The following CCNY variants were observed in gnomAD, a reference collection of about 807,000 sequenced individuals.
CCNY encodes cyclin Y.
CCNY carries 19 observed loss-of-function variants against 42.8 expected under a neutral mutation model. That is an observed-to-expected ratio of 0.44 (90% CI 0.31 to 0.65). CCNY has a LOEUF of 0.65. Among genes scored for constraint, CCNY ranks in the 30% least tolerant of loss-of-function variants. CCNY has a pLI of 0.07. For missense variants in CCNY, 370 were observed against 437.3 expected (o/e 0.85, Z 1.37); for synonymous variants, 165 against 162.7 (o/e 1.01, Z -0.11).
intron 7 of CCNY, among the ~76,000 whole-genome samples, chr10:35,540,778 C>A (rs570944749): frequency 6.6e-6 from 1 of 152,226 alleles, no homozygotes; most frequent in South Asian, 2.1e-4. Context: ...TTGTGCATTT[C>A]ATCAGCATTA....
chr10:35,463,150 G>A (rs1839191020), intron 1 of CCNY, among the ~76,000 whole-genome samples: 1 of 152,226 alleles, frequency 6.6e-6, no homozygotes, highest in Admixed American at 6.5e-5. Flanking sequence ...TGTGCTAGAT[G>A]TGGAACCATA....
At chr10:35,453,212 C>T (rs976781559) in intron 1 of CCNY, among the ~76,000 whole-genome samples, 5 of 152,176 alleles carry the variant, frequency 3.3e-5, no homozygotes, top group Non-Finnish European at 7.4e-5. Flanking sequence ...GCTGGGATTA[C>T]AGATGTGAGC....
intron 1 of CCNY, among the ~76,000 whole-genome samples, chr10:35,367,257 T>C (rs1259334166): frequency 6.6e-6 from 1 of 152,224 alleles, no homozygotes; most frequent in Admixed American, 6.5e-5. Context: ...TATACTACCT[T>C]ATGACTGTAT....
At chr10:35,497,306 C>A (rs1016872674) in intron 2 of CCNY, among the ~76,000 whole-genome samples, 4 of 152,150 alleles carry the variant, frequency 2.6e-5, no homozygotes, top group African/African-American at 9.7e-5. Flanking sequence ...TTGCTTATAC[C>A]ATTACATAAA....
intron 1 of CCNY, among the ~76,000 whole-genome samples, chr10:35,356,419 A>AT (rs1490655114): frequency 6.6e-6 from 1 of 152,178 alleles, no homozygotes; most frequent in African/African-American, 2.4e-5. Flanking sequence ...GAATTAACAC[A>AT]TGGTAAACAG....
intron 2 of CCNY, among the ~76,000 whole-genome samples, chr10:35,496,645 C>G (rs142149359): frequency 6.6e-6 from 1 of 151,380 alleles, no homozygotes. Context: ...CCAGCCTGGG[C>G]GACATAGTGA....
intron 1 of CCNY, among the ~76,000 whole-genome samples, chr10:35,384,440 G>A (rs567131397): frequency 6.6e-6 from 1 of 152,304 alleles, no homozygotes; most frequent in South Asian, 2.1e-4. Flanking sequence ...TGAACATAGA[G>A]TAGCCGCCTG....
chr10:35,272,480 C>G (rs547086835), intron 3 of CCNY, among the ~76,000 whole-genome samples: 2 of 152,284 alleles, frequency 1.3e-5, no homozygotes, highest in East Asian at 3.9e-4. Context: ...TCCATGTGTT[C>G]TCATCATTTA....
At chr10:35,464,785 G>T (rs997713544) in intron 1 of CCNY, among the ~76,000 whole-genome samples, 1 of 152,094 alleles carries the variant, frequency 6.6e-6, no homozygotes, top group East Asian at 1.9e-4. Context: ...CACCTACATC[G>T]AGTTGATTCT....
intron 3 of CCNY, among the ~76,000 whole-genome samples, chr10:35,275,619 TG>T (rs1380460906): frequency 2.0e-5 from 3 of 151,916 alleles, no homozygotes; most frequent in African/African-American, 7.2e-5. Flanking sequence ...AAAAATTAGC[TG>T]GGCATGGTGG....
At chr10:35,393,390 T>C (rs1837456548) in intron 1 of CCNY, among the ~76,000 whole-genome samples, 1 of 152,230 alleles carries the variant, frequency 6.6e-6, no homozygotes, top group African/African-American at 2.4e-5. Context: ...GCCTGGTTAC[T>C]ATTTGGGAAG....
intron 1 of CCNY, among the ~76,000 whole-genome samples, chr10:35,340,045 C>T (rs536050621): frequency 2.6e-5 from 4 of 152,316 alleles, no homozygotes; most frequent in African/African-American, 9.6e-5. Context: ...TAGCAGCTGT[C>T]ACCAGCTGCC....
chr10:35,436,989 G>A (rs1403979051), intron 1 of CCNY, among the ~76,000 whole-genome samples: 1 of 152,222 alleles, frequency 6.6e-6, no homozygotes, highest in Admixed American at 6.5e-5. Context: ...ATGGCGGAAG[G>A]CGGAAGACAT....
intron 7 of CCNY, among the ~76,000 whole-genome samples, chr10:35,539,126 T>C (rs1352479609): frequency 6.6e-6 from 1 of 152,234 alleles, no homozygotes; most frequent in African/African-American, 2.4e-5. Context: ...TATATGTATT[T>C]CCTTATATCA....
chr10:35,269,617 C>G (rs1454101736), intron 3 of CCNY, among the ~76,000 whole-genome samples: 1 of 130,730 alleles, frequency 7.6e-6, no homozygotes, highest in Non-Finnish European at 1.6e-5. Context: ...GTTCGCCACT[C>G]TTTTTTTTTT....
intron 3 of CCNY, among the ~76,000 whole-genome samples, chr10:35,305,505 C>A (rs1835595933): frequency 1.3e-5 from 2 of 152,138 alleles, no homozygotes; most frequent in African/African-American, 4.8e-5. Context: ...TTCACTGTAA[C>A]CTAGTAATGT....
At position 35,519,776 on chromosome 10, in the gene CCNY, C is replaced by CTTTTTTTTTTTTTTTTTTTTTTTT. The variant is rs1177122335; in HGVS notation, c.365+3155_365+3178dup. ...AAGTATCTTCTTTTTCTTTTCTTTT[C>CTTTTTTTTTTTTTTTTTTTTTTTT]TTTTTTTTTTTTTTTTTTTTTTTTT... On this transcript the variant is annotated intron_variant, in intron 4 of 9. Transcript: ENST00000374704. Among the ~76,000 whole-genome samples, 11 of 74,660 alleles carry CTTTTTTTTTTTTTTTTTTTTTTTT rather than the reference C, an allele frequency of 1.5e-4. 1 individual carries two copies. Among genetic ancestry groups the CTTTTTTTTTTTTTTTTTTTTTTTT allele is most frequent in the African/African-American group, 5.2e-4 (9 of 17,378 alleles). 49.0% of individuals were successfully genotyped at this position (74,660 alleles called of 152,430 possible). A position where few individuals can be genotyped will look rare whatever the true frequency, so the allele number is the denominator to read the frequency against.
chr10:35,478,291 T>TA (rs1839567815), intron 1 of CCNY, among the ~76,000 whole-genome samples: 1 of 151,262 alleles, frequency 6.6e-6, no homozygotes, highest in Admixed American at 6.6e-5. Context: ...AAAACTACTT[T>TA]AAAGTTCATA....
intron 3 of CCNY, among the ~76,000 whole-genome samples, chr10:35,290,001 G>A (rs1480538930): frequency 1.3e-5 from 2 of 151,952 alleles, no homozygotes; most frequent in Admixed American, 6.6e-5. Context: ...CAAGGCAGGC[G>A]GATCACGAGG....
Sources: allele counts gnomAD v4.1 joint callset (sites outside exome capture counted in the v4.1 genomes callset), GRCh38; gene constraint gnomAD v4.1.1; transcripts MANE v1.5; gene names NCBI Gene and HGNC (gene_info 2026-07-23, HGNC 2026-07-21).